The following LDHAL6A variants were observed in gnomAD, a reference collection of about 807,000 sequenced individuals.
The protein encoded by LDHAL6A is lactate dehydrogenase A like 6A.
LDHAL6A carries 19 observed loss-of-function variants against 28.2 expected under a neutral mutation model. The ratio of observed to expected loss-of-function variants is 0.67; its 90% CI spans 0.47 to 0.99. The LOEUF (loss-of-function observed/expected upper bound fraction) is 0.99, where lower values mean the gene tolerates loss of function less well. LDHAL6A is among the 50% of genes least tolerant of loss of function. LDHAL6A has a pLI of 0.00. For missense variants in LDHAL6A, 372 were observed against 398.6 expected, an observed-to-expected ratio of 0.93 and a Z score of 0.57; for synonymous variants, 144 against 134.4, an observed-to-expected ratio of 1.07 and a Z score of -0.49.
chr11:18,463,842 T>C (rs1848983593), intron 1 of LDHAL6A, 119 bp from the exon 2 acceptor site: 6 of 665,780 alleles, frequency 9.0e-6, no homozygotes, highest in Non-Finnish European at 8.1e-6. Context: ...ATTTATTATG[T>C]TTCCTTTGAT....
In LDHAL6A at chr11:18,476,382, A is replaced by C. The variant is rs774421411; in HGVS notation, c.593-2A>C. ...GTGGGATTTTGGGTGTCTCTTTCTT[A>C]GTTCCTGTGTGGAGTGGTGTGAACA... On this transcript the variant is annotated splice_acceptor_variant, in intron 4 of 6. Transcript: ENST00000280706. LOFTEE classifies it high-confidence loss of function. 2 of 1,610,444 alleles carry C rather than the reference A, an allele frequency of 1.2e-6. No individual in the cohort carries two copies. The highest frequency in any genetic ancestry group is 2.2e-5 in the South Asian group (2 of 90,254).
rs767824429 is a variant in LDHAL6A at position 18,456,631 on chromosome 11, C to T, written c.-50C>T. 3 of 1,596,266 alleles carry T rather than the reference C, an allele frequency of 1.9e-6. No homozygotes were observed. The highest frequency in any genetic ancestry group is 2.6e-6 in the Non-Finnish European group (3 of 1,166,038). ...TGGAATTCCAAGCCATTTCCAATTC[C>T]AGGTCTTGGAAATGGCTGTGCAATT... is the stretch of plus-strand genomic sequence containing the variant. On this transcript the variant is annotated 5_prime_UTR_variant, in exon 1 of 7. Coordinates refer to ENST00000280706, the MANE Select transcript of LDHAL6A (RefSeq NM_144972.5).
At chr11:18,469,108 G>C in intron 3 of LDHAL6A, 1 of 487,312 alleles carries the variant, frequency 2.1e-6, no homozygotes. Flanking sequence ...AAATGTCACG[G>C]TGTCATTTTT....
intron 3 of LDHAL6A, among the ~76,000 whole-genome samples, chr11:18,473,936 C>T (rs1270703698): frequency 6.6e-6 from 1 of 152,094 alleles, no homozygotes; most frequent in African/African-American, 2.4e-5. Context: ...TTTTTAATCC[C>T]TGAATGAGTT....
rs143096001 is a variant in LDHAL6A at position 18,460,794 on chromosome 11, G to T, written c.127-3167G>T. 9.3e-4 allele frequency among the ~76,000 whole-genome samples: 142 copies of T among 152,220 alleles called. 1 individual carries two copies. The highest frequency in any genetic ancestry group is 3.3e-3 in the African/African-American group (135 of 41,528). ...AAAAGGTAAAAAGCACTAACAATGT[G>T]AATTGGATATGTGCTTAAATTATGG... On this transcript the variant is annotated intron_variant, in intron 1 of 6. Transcript: ENST00000280706.
At chr11:18,476,318 G>C in intron 4 of LDHAL6A, 66 bp from the exon 5 acceptor site, 2 of 1,543,046 alleles carry the variant, frequency 1.3e-6, no homozygotes, top group Non-Finnish European at 1.7e-6. Flanking sequence ...CAGTTTTGCT[G>C]AGGTCAAAAA....
At chr11:18,475,852 T>C (rs1384536229) in intron 4 of LDHAL6A, 1 of 470,056 alleles carries the variant, frequency 2.1e-6, no homozygotes, top group Non-Finnish European at 3.7e-6. Flanking sequence ...ATCCTACATA[T>C]GGATGGCTAG....
At chr11:18,468,732 C>G (rs1275510397) in intron 3 of LDHAL6A, 3 of 152,638 alleles carry the variant, frequency 2.0e-5, no homozygotes, top group Non-Finnish European at 4.4e-5. Flanking sequence ...TCCTACCATA[C>G]ATGCATATAT....
chr11:18,469,865 A>G (rs1016608316), intron 3 of LDHAL6A, among the ~76,000 whole-genome samples: 1 of 152,250 alleles, frequency 6.6e-6, no homozygotes, highest in Non-Finnish European at 1.5e-5. Context: ...TGACAACTTT[A>G]AATTAGTATT....
chr11:18,469,694 T>C lies in LDHAL6A; in HGVS notation c.418+3884T>C, dbSNP rs552798361. ...CTTCCATATCTATTTAGAAAACTTA[T>C]TCTGATATTAGAACCATGTGAAGAA... On this transcript the variant is annotated intron_variant, in intron 3 of 6. Coordinates refer to ENST00000280706, the MANE Select transcript of LDHAL6A (RefSeq NM_144972.5). Among the ~76,000 whole-genome samples the C allele has an allele frequency of 2.0e-5, 3 of 152,352 alleles. No individual in the cohort carries two copies. The East Asian group carries it at 5.8e-4, about 29-fold the overall frequency.
chr11:18,476,294 CAG>C, intron 4 of LDHAL6A, 88 bp from the exon 5 acceptor site: 6 of 1,434,268 alleles, frequency 4.2e-6, no homozygotes, highest in Non-Finnish European at 4.7e-6. Flanking sequence ...GGAAATCACT[CAG>C]GGCAATTATA....
chr11:18,462,403 A>C (rs371479428), intron 1 of LDHAL6A, among the ~76,000 whole-genome samples: 53 of 151,690 alleles, frequency 3.5e-4, no homozygotes, highest in African/African-American at 5.8e-4. Flanking sequence ...TTTGGGAGGC[A>C]GAGGCGGGCG....
At chr11:18,472,302 C>T (rs1384497907) in intron 3 of LDHAL6A, among the ~76,000 whole-genome samples, 3 of 152,122 alleles carry the variant, frequency 2.0e-5, no homozygotes, top group Admixed American at 2.0e-4. Context: ...ATACTTCTCT[C>T]CATCTCAGGT....
chr11:18,461,269 C>T (rs1301456457), intron 1 of LDHAL6A, among the ~76,000 whole-genome samples: 5 of 151,874 alleles, frequency 3.3e-5, no homozygotes, highest in South Asian at 2.1e-4. Flanking sequence ...CTCAGCTTCC[C>T]GAGTAGCTGG....
chr11:18,473,689 G>A (rs1049257236), intron 3 of LDHAL6A, among the ~76,000 whole-genome samples: 17 of 152,184 alleles, frequency 1.1e-4, no homozygotes, highest in African/African-American at 3.4e-4. Flanking sequence ...GTGAGCCACC[G>A]TGTCTGGCCT....
chr11:18,458,675 A>G lies in LDHAL6A; in HGVS notation c.126+1869A>G, dbSNP rs369484664. Among the ~76,000 whole-genome samples, 29 of 152,324 alleles carry G rather than the reference A, an allele frequency of 1.9e-4. 1 individual carries two copies. The highest frequency in any genetic ancestry group is 5.2e-4 in the Admixed American group (8 of 15,290). On this transcript the variant is annotated intron_variant, in intron 1 of 6. Coordinates refer to ENST00000280706, the MANE Select transcript of LDHAL6A (RefSeq NM_144972.5). ...CTCAATATGAATTGTTCAGGAATTT[A>G]TTGTCAGGAATTTGTGGTATGAACC...
chr11:18,466,153 GT>G (rs947910426), intron 3 of LDHAL6A, among the ~76,000 whole-genome samples: 3 of 152,250 alleles, frequency 2.0e-5, no homozygotes, highest in African/African-American at 4.8e-5. Context: ...ACATGATTTT[GT>G]TTTTTATGGC....
At chr11:18,464,977 G>GTTTTTTTTGTTTTTTTTTTTTTTTT (rs1849016188) in intron 2 of LDHAL6A, among the ~76,000 whole-genome samples, 8 of 125,484 alleles carry the variant, frequency 6.4e-5, no homozygotes, top group Non-Finnish European at 9.9e-5. Flanking sequence ...TGTTTTTTTT[G>GTTTTTTTTGTTTTTTTTTTTTTTTT]TTTTTTTTTG....
rs540739146 is a variant in LDHAL6A at position 18,467,934 on chromosome 11, T to C, written c.418+2124T>C. On this transcript the variant is annotated intron_variant, in intron 3 of 6. Coordinates refer to ENST00000280706, the MANE Select transcript of LDHAL6A (RefSeq NM_144972.5). ...ATATATATATACACACACATATATA[T>C]ATACACACACATATATATATACGTA... 1.5e-3 allele frequency among the ~76,000 whole-genome samples: 114 copies of C among 76,332 alleles called. 3 individuals are homozygous for C. Among genetic ancestry groups the C allele is most frequent in the East Asian group, 0.014 (19 of 1,338 alleles). 50.1% of individuals were successfully genotyped at this position (76,332 alleles called of 152,430 possible).
Sources: allele counts gnomAD v4.1 joint callset (sites outside exome capture counted in the v4.1 genomes callset), GRCh38; gene constraint gnomAD v4.1.1; transcripts MANE v1.5; gene names NCBI Gene and HGNC (gene_info 2026-07-23, HGNC 2026-07-21).